Variants in ZNF197 observed in about 807,000 individuals in gnomAD.
The protein encoded by ZNF197 is VHL-associated KRAB-A domain-containing protein.
Under a neutral mutation model 27.4 loss-of-function variants are expected in ZNF197, and 14 were observed. The observed-to-expected ratio is 0.51, with a 90% CI of 0.34 to 0.80. The LOEUF is 0.80. Ranked by LOEUF, ZNF197 falls within the 30% of genes least tolerant of loss-of-function variation. The pLI, the probability that ZNF197 is intolerant of heterozygous loss-of-function variation, is 0.02. For synonymous variants in ZNF197, 415 were observed against 420.0 expected, an observed-to-expected ratio of 0.99 and a Z score of 0.15; for missense variants, 1,090 against 1,222.6, an observed-to-expected ratio of 0.89 and a Z score of 1.62.
In ZNF197 at chr3:44,640,983, T is replaced by C. The variant is rs1702565608; in HGVS notation, c.770-917T>C. Among the ~76,000 whole-genome samples the C allele has an allele frequency of 6.6e-6, 1 of 152,354 alleles. No homozygotes were observed. Among genetic ancestry groups the C allele is most frequent in the South Asian group, 2.1e-4 (1 of 4,826 alleles). On this transcript the variant is annotated intron_variant, in intron 5 of 5. Transcript: ENST00000344387. The surrounding 1 kb of genome is among the most constrained non-coding windows in gnomAD (Gnocchi z 4.0). Reference sequence around the variant, plus strand: ...TCTCTGTTTAGATAGAAGAAAAGTATTGTTATATTCAAAGAGAAGATGATG... The same window carrying C: ...TCTCTGTTTAGATAGAAGAAAAGTACTGTTATATTCAAAGAGAAGATGATG...
In ZNF197 at chr3:44,643,001, G is replaced by A; in HGVS notation, c.1871G>A (p.Cys624Tyr). 1 of 1,614,050 alleles carries A rather than the reference G, an allele frequency of 6.2e-7. No homozygotes were observed. Among genetic ancestry groups the A allele is most frequent in the African/African-American group, 1.3e-5 (1 of 75,054 alleles). The change falls in exon 6 of 6, where the codon TGC (cysteine) becomes TAC (tyrosine). Residue 624 changes from cysteine (C) to tyrosine (Y), a missense_variant. Transcript: ENST00000344387. Reference protein sequence around the residue: ...RMHSREKPYKCTECGKAFTQS... With the variant: ...RMHSREKPYKYTECGKAFTQS... ...CACAGCAGAGAGAAACCTTACAAATGCACTGAATGTGGGAAAGCCTTTACT... is the reference window on the plus strand; with the variant it reads ...CACAGCAGAGAGAAACCTTACAAATACACTGAATGTGGGAAAGCCTTTACT...
chr3:44,632,734 G>A (rs1002041089), intron 5 of ZNF197, 135 bp downstream of exon 5: 22 of 1,043,870 alleles, frequency 2.1e-5, no homozygotes, highest in East Asian at 1.7e-4. Context: ...CCTTAACATC[G>A]CTATTTCCAG....
At position 44,632,606 on chromosome 3, in the gene ZNF197, ATTC is replaced by A; in HGVS notation, c.769+13_769+15del. ...GGAAATGTGACCTCCCTAGGTAAGGATTCTTCTTTCTATGATGCTTACCTTTAT... is the reference window on the plus strand; with the variant it reads ...GGAAATGTGACCTCCCTAGGTAAGGATTCTTTCTATGATGCTTACCTTTAT... On this transcript the variant is annotated splice_region_variant and intron_variant, in intron 5 of 5. Coordinates refer to ENST00000344387, the MANE Select transcript of ZNF197 (RefSeq NM_006991.5). The A allele has an allele frequency of 1.3e-6, 2 of 1,529,474 alleles. No individual in the cohort carries two copies. The highest frequency in any genetic ancestry group is 1.8e-6 in the Non-Finnish European group (2 of 1,137,024). 94.7% of individuals were successfully genotyped at this position (1,529,474 alleles called of 1,614,324 possible).
At position 44,646,617 on chromosome 3, in the gene ZNF197, G is replaced by C; in HGVS notation, c.*2397G>C. ...TTCAAAATATTATTATGATGAAAAAGAGAGGGGAGTGAAAATTGTTCAAGC... is the reference window on the plus strand; with the variant it reads ...TTCAAAATATTATTATGATGAAAAACAGAGGGGAGTGAAAATTGTTCAAGC... On this transcript the variant is annotated 3_prime_UTR_variant, in exon 6 of 6. Transcript: ENST00000344387. 1.3e-6 allele frequency: 1 copy of C among 781,102 alleles called. No individual in the cohort carries two copies. The highest frequency in any genetic ancestry group is 1.5e-5 in the South Asian group (1 of 67,610). The allele number at this position is 781,102 out of a possible 1,614,324, so 48.4% of individuals were successfully genotyped here.
In ZNF197 at chr3:44,629,407, C is replaced by T. The variant is rs781721687; in HGVS notation, c.253C>T (p.Leu85=). The T allele has an allele frequency of 6.2e-7, 1 of 1,614,058 alleles. No individual in the cohort carries two copies. Among genetic ancestry groups the T allele is most frequent in the East Asian group, 2.2e-5 (1 of 44,884 alleles). The part of the protein sequence containing the change: ...ARTKAQILEL[L]VLEQFLSILP... ...CACCAAGGCACAGATCCTGGAGCTG[C>T]TGGTGCTGGAGCAGTTTCTGAGCAT... The change falls in exon 2 of 6, where the codon CTG becomes TTG. Residue 85 remains leucine, a synonymous_variant. Transcript: ENST00000344387.
rs56833441 is a variant in ZNF197, at chr3:44,625,750, GCACACACACACACACA to G, written c.-82+629_-82+644del. The stretch of plus-strand genomic sequence containing the variant: ...AATGCTGGCCTTTGCGCGCGCGCGC[GCACACACACACACACA>G]CACACACACACACACACACACTCAT... On this transcript the variant is annotated intron_variant, in intron 1 of 5. Transcript: ENST00000344387. Among the ~76,000 whole-genome samples, 16 of 149,058 alleles carry G rather than the reference GCACACACACACACACA, an allele frequency of 1.1e-4. No homozygotes were observed. The South Asian group carries it at 1.1e-3, about 10-fold the overall frequency.
rs1703029428 is a variant in ZNF197, at chr3:44,647,559, T to C, written c.*3339T>C. The C allele has an allele frequency of 6.6e-6, 1 of 152,192 alleles. No homozygotes were observed. The highest frequency in any genetic ancestry group is 1.5e-5 in the Non-Finnish European group (1 of 68,028). The allele number at this position is 152,192 out of a possible 1,614,324, so 9.4% of individuals were successfully genotyped here. On this transcript the variant is annotated 3_prime_UTR_variant, in exon 6 of 6. Coordinates refer to ENST00000344387, the MANE Select transcript of ZNF197 (RefSeq NM_006991.5). ...AACCTGTAGGCAACCCATATATCCT[T>C]CCTTAGGTGGTTAAAACAAATTGTG... is the stretch of plus-strand genomic sequence containing the variant.
intron 1 of ZNF197, among the ~76,000 whole-genome samples, chr3:44,625,750 G>GCA (rs56833441): frequency 0.011 from 1,606 of 149,030 alleles, 12 homozygotes; most frequent in African/African-American, 0.022. Flanking sequence ...GCGCGCGCGC[G>GCA]CACACACACA....
Position 44,641,922 on chromosome 3 carries a change from T to A in ZNF197, c.792T>A (p.Asn264Lys). 6.3e-7 allele frequency: 1 copy of A among 1,598,470 alleles called. No homozygotes were observed. Among genetic ancestry groups the A allele is most frequent in the East Asian group, 2.2e-5 (1 of 44,616 alleles). ...CAGAATGGGAGACCATGACCGAGAA[T>A]GAGGAGGTGACATCAAAGCCAAGTA... ...TSLEWETMTE[N>K]EEVTSKPSSS... The change falls in exon 6 of 6, where the codon AAT (asparagine) becomes AAA (lysine). Residue 264 changes from asparagine to lysine, a missense_variant. Asn to Lys is a moderately conservative substitution (Grantham distance 94). Transcript: ENST00000344387.
At chr3:44,638,762 C>T (rs925767827) in intron 5 of ZNF197, among the ~76,000 whole-genome samples, 19 of 152,210 alleles carry the variant, frequency 1.2e-4, no homozygotes, top group Non-Finnish European at 5.9e-5. Flanking sequence ...GGCGTGATCA[C>T]GGCTCACTAC....
chr3:44,636,555 C>G (rs1341944196), intron 5 of ZNF197, among the ~76,000 whole-genome samples: 1 of 152,166 alleles, frequency 6.6e-6, no homozygotes, highest in Non-Finnish European at 1.5e-5. Flanking sequence ...TATCAGGTAT[C>G]AGTTCTTTAT....
Position 44,643,648 on chromosome 3 carries a change from C to G in ZNF197, c.2518C>G (p.His840Asp). ...AAACCTTATAGCCCATCAGAGGATC[C>G]ATACTGGTGAGAAGCCCTATGCGTG... ...RSNLIAHQRI[H>D]TGEKPYACSE... The change falls in exon 6 of 6, where the codon CAT becomes GAT. Residue 840 changes from histidine (H) to aspartate (D), a missense_variant. Coordinates refer to ENST00000344387, the MANE Select transcript of ZNF197 (RefSeq NM_006991.5). The G allele has an allele frequency of 6.2e-7, 1 of 1,614,162 alleles. No individual in the cohort carries two copies.
chr3:44,634,696 C>T (rs1212380396), intron 5 of ZNF197, among the ~76,000 whole-genome samples: 2 of 152,088 alleles, frequency 1.3e-5, no homozygotes, highest in Admixed American at 6.5e-5. Context: ...GTGATCCACC[C>T]GCCTCAGCCT....
chr3:44,632,724 C>A, intron 5 of ZNF197, 125 bp downstream of exon 5: 1 of 1,147,450 alleles, frequency 8.7e-7, no homozygotes, highest in Non-Finnish European at 1.2e-6. Flanking sequence ...AAAAAACCTT[C>A]CTTAACATCG....
At chr3:44,629,643 A>G in intron 2 of ZNF197, 99 bp downstream of exon 2, 1 of 1,372,028 alleles carries the variant, frequency 7.3e-7, no homozygotes, top group African/African-American at 1.5e-5. Flanking sequence ...TTAAAAATTA[A>G]TAGCATTAAT....
Position 44,643,502 on chromosome 3 carries a change from A to T in ZNF197, c.2372A>T (p.Glu791Val). 1 of 1,614,198 alleles carries T rather than the reference A, an allele frequency of 6.2e-7. No individual in the cohort carries two copies. Among genetic ancestry groups the T allele is most frequent in the Non-Finnish European group, 8.5e-7 (1 of 1,180,022 alleles). ...ATCCACAGTGGTGAGAAACCCTATG[A>T]GTGTGATGAGTGTGGCAAATGCTTC... is the stretch of plus-strand genomic sequence containing the variant. ...KRIHSGEKPY[E>V]CDECGKCFIL... is the part of the protein sequence containing the mutation. Residue 791 changes from glutamate to valine, a missense_variant, in exon 6 of 6, where the codon GAG (glutamate) becomes GTG (valine). Coordinates refer to ENST00000344387, the MANE Select transcript of ZNF197 (RefSeq NM_006991.5).
chr3:44,643,866 T>G lies in ZNF197; in HGVS notation c.2736T>G (p.Ser912Arg). ...GTAATGAGTGTGGAAAAGACTTTAG[T>G]CAGAATAAAAACCTTGTTGTACATC... is the stretch of plus-strand genomic sequence containing the variant. ...YKCNECGKDFSQNKNLVVHQR... is the reference protein window; with the variant it reads ...YKCNECGKDFRQNKNLVVHQR... Residue 912 changes from serine (S) to arginine (R), a missense_variant, in exon 6 of 6, where the codon AGT (serine) becomes AGG (arginine). Transcript: ENST00000344387. 1 of 1,613,486 alleles carries G rather than the reference T, an allele frequency of 6.2e-7. No homozygotes were observed. The highest frequency in any genetic ancestry group is 8.5e-7 in the Non-Finnish European group (1 of 1,179,838).
chr3:44,632,819 A>AGT (rs111907137), intron 5 of ZNF197, among the ~76,000 whole-genome samples: 7,308 of 150,552 alleles, frequency 0.049, 200 homozygotes, highest in Non-Finnish European at 0.066. Context: ...ATTGTTCCAA[A>AGT]GTGTGTGTGT....
At position 44,642,371 on chromosome 3, in the gene ZNF197, T is replaced by C. The variant is rs920769226; in HGVS notation, c.1241T>C (p.Leu414Pro). The C allele has an allele frequency of 6.2e-7, 1 of 1,614,022 alleles. No homozygotes were observed. Among genetic ancestry groups the C allele is most frequent in the Non-Finnish European group, 8.5e-7 (1 of 1,180,020 alleles). Residue 414 changes from leucine to proline, a missense_variant, in exon 6 of 6, where the codon CTA (leucine) becomes CCA (proline). Transcript: ENST00000344387. ...GGCTTTATTCAGCGTTCGAGCCTTC[T>C]AATGCATTTACGGAACCATTCAGGG... ...GKGFIQRSSL[L>P]MHLRNHSGEK...
Sources: allele counts gnomAD v4.1 joint callset (sites outside exome capture counted in the v4.1 genomes callset), GRCh38; gene constraint gnomAD v4.1.1; non-coding constraint Gnocchi (gnomAD v3.1); transcripts MANE v1.5; gene names NCBI Gene and HGNC (gene_info 2026-07-23, HGNC 2026-07-21).